The following CALN1 variants were observed in gnomAD, a reference collection of about 807,000 sequenced individuals.
CALN1 encodes calcium-binding protein 8.
In CALN1, 17 loss-of-function variants were observed where a neutral mutation model predicts 30.6. The observed-to-expected ratio is 0.56, with a 90% CI of 0.38 to 0.83. CALN1 has a LOEUF of 0.83. CALN1 is among the 40% of genes least tolerant of loss of function. CALN1 has a pLI of 0.00. For missense variants in CALN1, 291 were observed against 354.9 expected (o/e 0.82, Z 1.45); for synonymous variants, 156 against 131.4 (o/e 1.19, Z -1.28).
intron 2 of CALN1, among the ~76,000 whole-genome samples, chr7:72,330,547 A>G (rs2129558037): frequency 6.6e-6 from 1 of 151,386 alleles, no homozygotes; most frequent in East Asian, 1.9e-4. Flanking sequence ...TCTCAATTAT[A>G]TCCTCCAATT....
At chr7:71,972,406 T>C (rs1440829256) in intron 5 of CALN1, among the ~76,000 whole-genome samples, 1 of 152,232 alleles carries the variant, frequency 6.6e-6, no homozygotes, top group East Asian at 1.9e-4. Flanking sequence ...TTTGGAGGTC[T>C]GATCCATTTT....
At position 72,130,632 on chromosome 7, in the gene CALN1, T is replaced by C. The variant is rs150008186; in HGVS notation, c.245-24338A>G. Among the ~76,000 whole-genome samples the C allele has an allele frequency of 2.6e-5, 4 of 152,188 alleles. No individual in the cohort carries two copies. In the South Asian group the frequency reaches 6.2e-4, roughly 24 times the overall value. ...AAGAAACAGATATTCCTGGGTTGCC[T>C]CTGCAGAGGGAAACCAGGTGATGGT... On this transcript the variant is annotated intron_variant, in intron 3 of 6. Transcript: ENST00000395275.
intron 3 of CALN1, among the ~76,000 whole-genome samples, chr7:72,269,712 CA>C: frequency 6.6e-6 from 1 of 152,274 alleles, no homozygotes; most frequent in Admixed American, 6.5e-5. Context: ...GAACAAAAAT[CA>C]GCACTCTTCA....
At chr7:72,079,210 C>A (rs1011531606) in intron 4 of CALN1, among the ~76,000 whole-genome samples, 1 of 152,176 alleles carries the variant, frequency 6.6e-6, no homozygotes, top group Non-Finnish European at 1.5e-5. Flanking sequence ...TCAGATCATA[C>A]TGGGAGACCT....
chr7:72,343,317 C>G (rs1401784411), intron 2 of CALN1, among the ~76,000 whole-genome samples: 1 of 152,034 alleles, frequency 6.6e-6, no homozygotes, highest in East Asian at 1.9e-4. Flanking sequence ...CAGGCCGACG[C>G]GGGTGGATCA....
chr7:71,851,714 CAAGT>C (rs1359518837), intron 5 of CALN1, among the ~76,000 whole-genome samples: 5 of 151,936 alleles, frequency 3.3e-5, no homozygotes, highest in African/African-American at 9.7e-5. Context: ...AGCAAACAAA[CAAGT>C]AAGAGAGAGG....
chr7:72,211,734 G>A (rs988999657), intron 3 of CALN1, among the ~76,000 whole-genome samples: 4 of 152,136 alleles, frequency 2.6e-5, no homozygotes, highest in African/African-American at 9.7e-5. Flanking sequence ...TTGAGTTATG[G>A]CTTATTCATC....
At chr7:71,879,435 C>T (rs1792440780) in intron 5 of CALN1, among the ~76,000 whole-genome samples, 1 of 152,142 alleles carries the variant, frequency 6.6e-6, no homozygotes, top group Non-Finnish European at 1.5e-5. Context: ...GGGAGATAAA[C>T]TCTTGCTGAG....
At chr7:72,159,045 G>T (rs1446569561) in intron 3 of CALN1, among the ~76,000 whole-genome samples, 1 of 151,758 alleles carries the variant, frequency 6.6e-6, no homozygotes, top group Non-Finnish European at 1.5e-5. Context: ...TAGAGATGGG[G>T]TTTCTCCATG....
intron 3 of CALN1, among the ~76,000 whole-genome samples, chr7:72,142,967 C>T (rs1810065511): frequency 6.6e-6 from 1 of 152,190 alleles, no homozygotes; most frequent in African/African-American, 2.4e-5. Context: ...CACCAAAACC[C>T]TATCTGTACG....
chr7:71,806,726 C>G (rs113449248), intron 6 of CALN1, among the ~76,000 whole-genome samples: 6 of 152,126 alleles, frequency 3.9e-5, no homozygotes, highest in East Asian at 1.9e-4. Context: ...AAGGACCCCC[C>G]CCCAGGGAGC....
chr7:72,382,335 TAA>T (rs748446289), intron 2 of CALN1, among the ~76,000 whole-genome samples: 7 of 152,062 alleles, frequency 4.6e-5, no homozygotes, highest in Non-Finnish European at 7.4e-5. Flanking sequence ...AGGCAAGAAA[TAA>T]AGAGAATCTG....
chr7:72,197,862 A>C (rs568474092), intron 3 of CALN1, among the ~76,000 whole-genome samples: 26 of 152,192 alleles, frequency 1.7e-4, no homozygotes, highest in African/African-American at 6.0e-4. Flanking sequence ...TCTCTGAAAA[A>C]CAGAAAAATA....
chr7:71,784,070 T>G lies in CALN1; in HGVS notation c.*3705A>C, dbSNP rs1037512719. 6.6e-6 allele frequency: 1 copy of G among 152,192 alleles called. No individual in the cohort carries two copies. Among genetic ancestry groups the G allele is most frequent in the Non-Finnish European group, 1.5e-5 (1 of 68,048 alleles). 9.4% of individuals were successfully genotyped at this position (152,192 alleles called of 1,614,324 possible). A position where few individuals can be genotyped will look rare whatever the true frequency, so the allele number is the denominator to read the frequency against. Reference sequence around the variant, plus strand: ...ACAGGCAAACCGATACTTTTAAAGATTGGAGGCTTAATATCTTGTTTGCCT... The same window carrying G: ...ACAGGCAAACCGATACTTTTAAAGAGTGGAGGCTTAATATCTTGTTTGCCT... On this transcript the variant is annotated 3_prime_UTR_variant, in exon 7 of 7. Coordinates refer to ENST00000395275, the MANE Select transcript of CALN1 (RefSeq NM_031468.4).
intron 2 of CALN1, among the ~76,000 whole-genome samples, chr7:72,396,819 T>C (rs567388804): frequency 6.6e-6 from 1 of 152,326 alleles, no homozygotes; most frequent in East Asian, 1.9e-4. Flanking sequence ...TGACTCACAC[T>C]GAGAACTTCG....
rs925193416 is a variant in CALN1 at position 71,889,828 on chromosome 7, G to A, written c.502-79336C>T. Among the ~76,000 whole-genome samples the A allele has an allele frequency of 9.9e-5, 15 of 152,234 alleles. No individual in the cohort carries two copies. The East Asian group carries it at 2.5e-3, about 26-fold the overall frequency. On this transcript the variant is annotated intron_variant, in intron 5 of 6. Transcript: ENST00000395275. ...AACTTAGCCATATGTGGTGGCACAC[G>A]CCTGTAATCCTAGCTCTGTAATCCT... is the stretch of plus-strand genomic sequence containing the variant.
In CALN1 at chr7:72,059,666, G is replaced by C. The variant is rs570009784; in HGVS notation, c.389-35897C>G. Among the ~76,000 whole-genome samples, 32 of 152,160 alleles carry C rather than the reference G, an allele frequency of 2.1e-4. No individual in the cohort carries two copies. In the South Asian group the frequency reaches 6.4e-3, roughly 31 times the overall value. On this transcript the variant is annotated intron_variant, in intron 4 of 6. Coordinates refer to ENST00000395275, the MANE Select transcript of CALN1 (RefSeq NM_031468.4). The stretch of plus-strand genomic sequence containing the variant: ...CCACAGCAAAAGACTCATGACAGCT[G>C]ATCTCCCTATATTTTGGTGAATCCT...
intron 1 of CALN1, among the ~76,000 whole-genome samples, chr7:72,407,114 G>A (rs908840296): frequency 1.3e-5 from 2 of 152,170 alleles, no homozygotes; most frequent in African/African-American, 2.4e-5. Context: ...ACAATATGCA[G>A]AGAATGGTGA....
intron 5 of CALN1, among the ~76,000 whole-genome samples, chr7:71,964,652 C>T (rs572358187): frequency 6.7e-6 from 1 of 149,772 alleles, no homozygotes; most frequent in Non-Finnish European, 1.5e-5. Flanking sequence ...CAGAGCGAGA[C>T]TCTGTCTCAA....
Sources: gnomAD v4.1 joint callset for allele counts (sites outside exome capture counted in the v4.1 genomes callset) on GRCh38, gnomAD v4.1.1 for gene constraint, MANE v1.5 for transcripts, NCBI Gene and HGNC (gene_info 2026-07-23, HGNC 2026-07-21) for gene names.